The following LHFPL3 variants were observed in gnomAD, a reference collection of about 807,000 sequenced individuals.
The protein encoded by LHFPL3 is LHFPL tetraspan subfamily member 3 protein.
Under a neutral mutation model 19.3 loss-of-function variants are expected in LHFPL3, and 5 were observed. That is an observed-to-expected ratio of 0.26 (90% CI 0.14 to 0.54). LHFPL3 has a LOEUF of 0.54. Among genes scored for constraint, LHFPL3 ranks in the 20% least tolerant of loss-of-function variants. The pLI is 0.94. For synonymous variants in LHFPL3, 133 were observed against 126.2 expected (o/e 1.05, Z -0.36); for missense variants, 249 against 307.4 (o/e 0.81, Z 1.42).
chr7:104,824,655 TTATA>T (rs1790779145), intron 2 of LHFPL3, among the ~76,000 whole-genome samples: 1 of 88,700 alleles, frequency 1.1e-5, no homozygotes, highest in African/African-American at 4.7e-5. Flanking sequence ...TTATATATAA[TTATA>T]TATTTATATA....
At position 104,867,429 on chromosome 7, in the gene LHFPL3, A is replaced by G. The variant is rs188065139; in HGVS notation, c.683-38758A>G. 1.4e-4 allele frequency among the ~76,000 whole-genome samples: 21 copies of G among 152,360 alleles called. No individual in the cohort carries two copies. The East Asian group carries it at 3.7e-3, about 27-fold the overall frequency. On this transcript the variant is annotated intron_variant, in intron 2 of 2. Transcript: ENST00000424859. ...CAATCCCACAGAAATACAAACTACC[A>G]TCAGAGAATACTATAAACAACTCTA...
At chr7:104,332,300 G>C (rs1486846582) in intron 1 of LHFPL3, among the ~76,000 whole-genome samples, 2 of 137,860 alleles carry the variant, frequency 1.5e-5, no homozygotes, top group African/African-American at 2.8e-5. Flanking sequence ...TGTGATCTCG[G>C]CTCACTGAAA....
intron 1 of LHFPL3, among the ~76,000 whole-genome samples, chr7:104,689,667 A>G (rs1422764011): frequency 6.6e-6 from 1 of 152,176 alleles, no homozygotes; most frequent in Non-Finnish European, 1.5e-5. Flanking sequence ...GTAACTGTGC[A>G]TTGGGAAAAG....
intron 1 of LHFPL3, among the ~76,000 whole-genome samples, chr7:104,590,126 CATCTT>C (rs965860391): frequency 2.6e-5 from 4 of 151,948 alleles, no homozygotes; most frequent in African/African-American, 9.7e-5. Context: ...GTTCTGCTCT[CATCTT>C]AGTTATTTCT....
chr7:104,738,850 A>G (rs1793879402), intron 2 of LHFPL3: 2 of 152,162 alleles, frequency 1.3e-5, no homozygotes, highest in Admixed American at 6.6e-5. Context: ...CCACCTTGCT[A>G]TAACTTTTGA....
intron 2 of LHFPL3, among the ~76,000 whole-genome samples, chr7:104,824,542 AT>A (rs1790771379): frequency 1.4e-5 from 1 of 73,620 alleles, no homozygotes; most frequent in Admixed American, 2.5e-4. Context: ...AATATATATA[AT>A]TATATATAAT....
chr7:104,578,440 T>G (rs564460494), intron 1 of LHFPL3, among the ~76,000 whole-genome samples: 22 of 152,334 alleles, frequency 1.4e-4, no homozygotes, highest in African/African-American at 5.3e-4. Flanking sequence ...ACCTGTGGGT[T>G]CTAGGCCCCA....
intron 1 of LHFPL3, among the ~76,000 whole-genome samples, chr7:104,680,106 C>T (rs2116083034): frequency 6.6e-6 from 1 of 152,304 alleles, no homozygotes; most frequent in South Asian, 2.1e-4. Context: ...GCAGACTCTT[C>T]TTCAGAGTCG....
chr7:104,677,365 T>A (rs1167103111), intron 1 of LHFPL3, among the ~76,000 whole-genome samples: 5 of 143,550 alleles, frequency 3.5e-5, no homozygotes, highest in Non-Finnish European at 4.5e-5. Flanking sequence ...CCAGTCTTCT[T>A]AAAAAAAAAA....
At chr7:104,724,238 G>C (rs1793548246) in intron 1 of LHFPL3, among the ~76,000 whole-genome samples, 1 of 152,152 alleles carries the variant, frequency 6.6e-6, no homozygotes, top group Admixed American at 6.6e-5. Flanking sequence ...TAATAGTCAT[G>C]CCTTTCCAAA....
Position 104,400,104 on chromosome 7 carries a change from CAAAAAAAAAAAAAAAAAAAAAAAAAAA to C in LHFPL3, c.445+70897_445+70923del, listed in dbSNP as rs398005676. Among the ~76,000 whole-genome samples, 77 of 25,738 alleles carry C rather than the reference CAAAAAAAAAAAAAAAAAAAAAAAAAAA, an allele frequency of 3.0e-3. 3 individuals carry two copies. The highest frequency in any genetic ancestry group is 6.5e-3 in the Admixed American group (9 of 1,390). 16.9% of individuals were successfully genotyped at this position (25,738 alleles called of 152,430 possible). A position where few individuals can be genotyped will look rare whatever the true frequency, so the allele number is the denominator to read the frequency against. Reference sequence around the variant, plus strand: ...GGGTGACAAGATCAAAACTCCATCTCAAAAAAAAAAAAAAAAAAAAAAAAAAAAAAAAAAAAAAAAAAAGACTCTACA... The same window carrying C: ...GGGTGACAAGATCAAAACTCCATCTCAAAAAAAAAAAAAAAAGACTCTACA... On this transcript the variant is annotated intron_variant, in intron 1 of 2. Coordinates refer to ENST00000424859, the MANE Select transcript of LHFPL3 (RefSeq NM_199000.3).
chr7:104,466,053 G>A (rs140717226), intron 1 of LHFPL3, among the ~76,000 whole-genome samples: 126 of 152,292 alleles, frequency 8.3e-4, no homozygotes, highest in African/African-American at 2.7e-3. Flanking sequence ...GTTTTTGGGT[G>A]GAGAGTTCTG....
intron 1 of LHFPL3, among the ~76,000 whole-genome samples, chr7:104,588,601 C>A (rs868576708): frequency 9.9e-5 from 15 of 152,256 alleles, no homozygotes; most frequent in Non-Finnish European, 1.2e-4. Context: ...GCAATGCAGG[C>A]TCTTTTTTGG....
intron 1 of LHFPL3, among the ~76,000 whole-genome samples, chr7:104,525,837 C>T (rs554006673): frequency 1.3e-5 from 2 of 152,170 alleles, no homozygotes; most frequent in South Asian, 4.1e-4. Flanking sequence ...GAACTCCTGA[C>T]CTCGTAATTC....
At chr7:104,573,630 C>T (rs868748639) in intron 1 of LHFPL3, among the ~76,000 whole-genome samples, 41 of 152,152 alleles carry the variant, frequency 2.7e-4, no homozygotes, top group Admixed American at 2.1e-3. Flanking sequence ...CTACATCAGT[C>T]GCTGCAATGG....
intron 1 of LHFPL3, among the ~76,000 whole-genome samples, chr7:104,709,713 A>G (rs62484620): frequency 2.7e-5 from 4 of 148,600 alleles, no homozygotes; most frequent in East Asian, 2.0e-4. Flanking sequence ...AACCGCCATC[A>G]TCATCATGGC....
chr7:104,706,805 T>C (rs533219168), intron 1 of LHFPL3, among the ~76,000 whole-genome samples: 1 of 152,324 alleles, frequency 6.6e-6, no homozygotes, highest in East Asian at 1.9e-4. Context: ...GTCTCCATGA[T>C]GGCATTTTAA....
intron 1 of LHFPL3, among the ~76,000 whole-genome samples, chr7:104,369,367 T>G (rs1030476432): frequency 6.6e-6 from 1 of 152,280 alleles, no homozygotes; most frequent in Non-Finnish European, 1.5e-5. Context: ...TATAATGCTT[T>G]TAAGCACCGT....
intron 1 of LHFPL3, among the ~76,000 whole-genome samples, chr7:104,388,394 C>G (rs1297509320): frequency 6.6e-6 from 1 of 152,058 alleles, no homozygotes. Flanking sequence ...TAAAAGGGAT[C>G]CTCAATAAGA....
Sources: gnomAD v4.1 joint callset for allele counts (sites outside exome capture counted in the v4.1 genomes callset) on GRCh38, gnomAD v4.1.1 for gene constraint, MANE v1.5 for transcripts, NCBI Gene and HGNC (gene_info 2026-07-23, HGNC 2026-07-21) for gene names.